IL13: variants seen among roughly 807,000 people sequenced by gnomAD.
IL13 encodes the protein interleukin 13.
A neutral mutation model predicts 11.1 loss-of-function variants in IL13; 9 were observed. The observed-to-expected ratio is 0.81, with a 90% CI of 0.49 to 1.42. IL13 has a LOEUF of 1.42. Among genes scored for constraint, IL13 ranks in the 40% most tolerant of loss-of-function variants. The pLI is 0.00. For synonymous variants in IL13, 75 were observed against 76.9 expected (o/e 0.97, Z 0.13); for missense variants, 181 against 182.5 (o/e 0.99, Z 0.05).
In IL13 at chr5:132,659,579, T is replaced by C. The variant is rs1212750896; in HGVS notation, c.228+108T>C. On this transcript the variant is annotated intron_variant, in intron 2 of 3. Coordinates refer to ENST00000304506, the MANE Select transcript of IL13 (RefSeq NM_002188.3). The surrounding 1 kb of genome is among the most constrained non-coding windows in gnomAD (Gnocchi z 4.1). ...GGGGTTCCAAGCAAGCTTCAAGTGC[T>C]CTCCTCCCTCCCGCCATAATCTGGC... 5 of 1,554,754 alleles carry C rather than the reference T, an allele frequency of 3.2e-6. No homozygotes were observed. Among genetic ancestry groups the C allele is most frequent in the Non-Finnish European group, 4.4e-6 (5 of 1,143,992 alleles).
At chr5:132,658,648 G>A in intron 1 of IL13, 1 of 365,054 alleles carries the variant, frequency 2.7e-6, no homozygotes, top group Non-Finnish European at 4.9e-6. Context: ...CCTGAACAGA[G>A]GACAGCAGAG....
intron 1 of IL13, chr5:132,658,633 C>T: frequency 4.9e-6 from 2 of 404,848 alleles, no homozygotes; most frequent in Non-Finnish European, 4.4e-6. Context: ...TCCTACTCAG[C>T]CATTCCTGAA....
At chr5:132,658,645 A>G (rs1581034699) in intron 1 of IL13, 2 of 366,914 alleles carry the variant, frequency 5.5e-6, no homozygotes, top group East Asian at 4.7e-5. Flanking sequence ...ATTCCTGAAC[A>G]GAGGACAGCA....
At chr5:132,658,894 A>G (rs567629873) in intron 1 of IL13, 8 of 172,450 alleles carry the variant, frequency 4.6e-5, no homozygotes, top group Non-Finnish European at 8.8e-5. Context: ...AGAGGCAGGT[A>G]CGATGAACCC....
Position 132,659,973 on chromosome 5 carries a change from ATTT to A in IL13, c.333+146_333+148del. ...TGGCAGCAGGGACGTGGCCTTCGGG[ATTT>A]ACAGGATCTGGGCTCAAGGGCTCCT... On this transcript the variant is annotated intron_variant, in intron 3 of 3. Coordinates refer to ENST00000304506, the MANE Select transcript of IL13 (RefSeq NM_002188.3). The surrounding 1 kb of genome is among the most constrained non-coding windows in gnomAD (Gnocchi z 4.1). 6.9e-7 allele frequency: 1 copy of A among 1,445,202 alleles called. No homozygotes were observed. Among genetic ancestry groups the A allele is most frequent in the Non-Finnish European group, 9.2e-7 (1 of 1,088,438 alleles). 89.5% of individuals were successfully genotyped at this position (1,445,202 alleles called of 1,614,324 possible). A position where few individuals can be genotyped will look rare whatever the true frequency, so the allele number is the denominator to read the frequency against.
chr5:132,657,915 A>G (rs536555115), upstream of IL13, among the ~76,000 whole-genome samples: 4 of 152,196 alleles, frequency 2.6e-5, no homozygotes, highest in Non-Finnish European at 5.9e-5. Flanking sequence ...CAGCATTGCA[A>G]ATGCCACGCC....
chr5:132,659,946 T>A lies in IL13; in HGVS notation c.333+118T>A. 6.7e-7 allele frequency: 1 copy of A among 1,488,416 alleles called. No individual in the cohort carries two copies. Among genetic ancestry groups the A allele is most frequent in the Non-Finnish European group, 9.0e-7 (1 of 1,116,716 alleles). The allele number at this position is 1,488,416 out of a possible 1,614,324, so 92.2% of individuals were successfully genotyped here. On this transcript the variant is annotated intron_variant, in intron 3 of 3. Transcript: ENST00000304506. The surrounding 1 kb of genome is among the most constrained non-coding windows in gnomAD (Gnocchi z 4.1). ...TGTGTCCACCCAGGGGTGGGGCCAT[T>A]GTGGCAGCAGGGACGTGGCCTTCGG...
upstream of IL13, chr5:132,657,213 C>T (rs11575055): frequency 3.4e-3 from 522 of 152,982 alleles, no homozygotes; most frequent in Non-Finnish European, 5.5e-3. Context: ...TTTGAGGCCC[C>T]CAGACGGCAG....
Position 132,660,398 on chromosome 5 carries a change from G to C in IL13, c.*116G>C. The C allele has an allele frequency of 2.7e-6, 4 of 1,456,478 alleles. No homozygotes were observed. Among genetic ancestry groups the C allele is most frequent in the Non-Finnish European group, 3.6e-6 (4 of 1,100,836 alleles). The allele number at this position is 1,456,478 out of a possible 1,614,324, so 90.2% of individuals were successfully genotyped here. A position where few individuals can be genotyped will look rare whatever the true frequency, so the allele number is the denominator to read the frequency against. ...TAGGCGGGAAGGAGGGTTAGGGAGG[G>C]GTAAAATTCCTTAGCTTAGACCTCA... On this transcript the variant is annotated 3_prime_UTR_variant, in exon 4 of 4. Coordinates refer to ENST00000304506, the MANE Select transcript of IL13 (RefSeq NM_002188.3).
In IL13 at chr5:132,659,162, C is replaced by A. The variant is rs183533990; in HGVS notation, c.175-256C>A. ...CCTGCCCTGACTATGGCAAGCCTTG[C>A]ATGCAGCTTGTCCCTTACTAGTGGT... On this transcript the variant is annotated intron_variant, in intron 1 of 3. Transcript: ENST00000304506. The surrounding 1 kb of genome is among the most constrained non-coding windows in gnomAD (Gnocchi z 4.1). The A allele has an allele frequency of 8.3e-5, 40 of 484,572 alleles. No homozygotes were observed. The highest frequency in any genetic ancestry group is 7.2e-4 in the African/African-American group (37 of 51,256). 30.0% of individuals were successfully genotyped at this position (484,572 alleles called of 1,614,324 possible). A position where few individuals can be genotyped will look rare whatever the true frequency, so the allele number is the denominator to read the frequency against.
Position 132,659,644 on chromosome 5 carries a change from T to C in IL13, c.229-80T>C. On this transcript the variant is annotated intron_variant, in intron 2 of 3. Transcript: ENST00000304506. The surrounding 1 kb of genome is among the most constrained non-coding windows in gnomAD (Gnocchi z 4.1). ...CACCCAGACTCACCTGCGCCAGGCA[T>C]CTCAGCCCCATCTTCCTGCAGACTC... 1 of 1,598,728 alleles carries C rather than the reference T, an allele frequency of 6.3e-7. No individual in the cohort carries two copies. The highest frequency in any genetic ancestry group is 8.5e-7 in the Non-Finnish European group (1 of 1,169,884).
upstream of IL13, among the ~76,000 whole-genome samples, chr5:132,657,415 G>T (rs924124588): frequency 6.6e-6 from 1 of 152,212 alleles, no homozygotes; most frequent in Non-Finnish European, 1.5e-5. Flanking sequence ...CACTCTGGAA[G>T]CTGAGGTGGG....
At chr5:132,658,891 G>A (rs955012830) in intron 1 of IL13, 1 of 172,582 alleles carries the variant, frequency 5.8e-6, no homozygotes, top group African/African-American at 2.4e-5. Context: ...TCAAGAGGCA[G>A]GTACGATGAA....
rs1409521707 is a variant in IL13 at position 132,659,853 on chromosome 5, A to AC, written c.333+28dup. On this transcript the variant is annotated intron_variant, in intron 3 of 3. Transcript: ENST00000304506. The surrounding 1 kb of genome is among the most constrained non-coding windows in gnomAD (Gnocchi z 4.1). Reference sequence around the variant, plus strand: ...GGTAAGGCATCCCCCACCCTCTCACACCCACCCTGCACCCCCTCCTGCCAA... The same window carrying AC: ...GGTAAGGCATCCCCCACCCTCTCACACCCCACCCTGCACCCCCTCCTGCCAA... 1 of 1,609,232 alleles carries AC rather than the reference A, an allele frequency of 6.2e-7. No homozygotes were observed. Among genetic ancestry groups the AC allele is most frequent in the Non-Finnish European group, 8.5e-7 (1 of 1,178,680 alleles).
chr5:132,659,239 T>C lies in IL13; in HGVS notation c.175-179T>C. 1 of 622,352 alleles carries C rather than the reference T, an allele frequency of 1.6e-6. No individual in the cohort carries two copies. Among genetic ancestry groups the C allele is most frequent in the Non-Finnish European group, 3.0e-6 (1 of 336,386 alleles). The allele number at this position is 622,352 out of a possible 1,614,324, so 38.6% of individuals were successfully genotyped here. A position where few individuals can be genotyped will look rare whatever the true frequency, so the allele number is the denominator to read the frequency against. ...ACCCTAAACAGTGGGACCTCACCCC[T>C]ATGCCTGCTGTTCAAAGCAGAAAAC... On this transcript the variant is annotated intron_variant, in intron 1 of 3. Transcript: ENST00000304506. This position sits in a 1 kb window ranked among gnomAD's most constrained non-coding sequence, Gnocchi z 4.1.
At position 132,660,365 on chromosome 5, in the gene IL13, G is replaced by A. The variant is rs1752129802; in HGVS notation, c.*83G>A. 6.5e-7 allele frequency: 1 copy of A among 1,544,918 alleles called. No homozygotes were observed. Among genetic ancestry groups the A allele is most frequent in the South Asian group, 1.2e-5 (1 of 83,228 alleles). ...CATTTTTCTTTCTGATGTCAAAAAT[G>A]TCTTGGGTAGGCGGGAAGGAGGGTT... On this transcript the variant is annotated 3_prime_UTR_variant, in exon 4 of 4. Coordinates refer to ENST00000304506, the MANE Select transcript of IL13 (RefSeq NM_002188.3).
chr5:132,657,870 A>G (rs573709804), upstream of IL13, among the ~76,000 whole-genome samples: 3 of 152,306 alleles, frequency 2.0e-5, no homozygotes, highest in African/African-American at 7.2e-5. Context: ...CCAGGTACTC[A>G]GGGTTGTCAC....
intron 1 of IL13, 163 bp downstream of exon 1, chr5:132,658,523 G>A: frequency 1.7e-6 from 1 of 573,872 alleles, no homozygotes; most frequent in African/African-American, 1.9e-5. Context: ...GAGGAGCTGG[G>A]CTGGGGGGCT....
rs1450147226 is a variant in IL13 at position 132,659,397 on chromosome 5, A to G, written c.175-21A>G. The G allele has an allele frequency of 6.3e-7, 1 of 1,590,084 alleles. No homozygotes were observed. The highest frequency in any genetic ancestry group is 8.6e-7 in the Non-Finnish European group (1 of 1,164,286). The stretch of plus-strand genomic sequence containing the variant: ...CACAACCCCTGCCAGCACTCTGCTC[A>G]CTGTCACTTTGCTCCCACAGGCTCC... On this transcript the variant is annotated intron_variant, in intron 1 of 3. Coordinates refer to ENST00000304506, the MANE Select transcript of IL13 (RefSeq NM_002188.3). The surrounding 1 kb of genome is among the most constrained non-coding windows in gnomAD (Gnocchi z 4.1).
Sources: allele counts gnomAD v4.1 joint callset (sites outside exome capture counted in the v4.1 genomes callset), GRCh38; gene constraint gnomAD v4.1.1; non-coding constraint Gnocchi (gnomAD v3.1); transcripts MANE v1.5; gene names NCBI Gene and HGNC (gene_info 2026-07-23, HGNC 2026-07-21).